Variants in FBRSL1 observed in about 807,000 individuals in gnomAD.
FBRSL1 encodes fibrosin-1-like protein.
FBRSL1 carries 51 observed loss-of-function variants against 89.6 expected under a neutral mutation model. That is an observed-to-expected ratio of 0.57 (90% CI 0.45 to 0.72). FBRSL1 has a LOEUF of 0.72. Ranked by LOEUF, FBRSL1 falls within the 30% of genes least tolerant of loss-of-function variation. The probability of loss-of-function intolerance (pLI) is 0.00; values close to 1 mark genes in which losing one functional copy is unlikely to be tolerated. For missense variants in FBRSL1, 1,618 were observed against 1,451.8 expected, an observed-to-expected ratio of 1.11 and a Z score of -1.86; for synonymous variants, 779 against 681.1, an observed-to-expected ratio of 1.14 and a Z score of -2.24.
chr12:132,566,205 CGTCCTCACA>C (rs2039601881), intron 5 of FBRSL1: 1 of 152,008 alleles, frequency 6.6e-6, no homozygotes, highest in Non-Finnish European at 1.5e-5. Context: ...CTCTCCGCTG[CGTCCTCACA>C]TGGTGGAAGG....
chr12:132,535,109 G>A (rs564471835), intron 4 of FBRSL1, among the ~76,000 whole-genome samples: 8 of 152,334 alleles, frequency 5.3e-5, no homozygotes, highest in African/African-American at 1.4e-4. Flanking sequence ...AGAACAGGCC[G>A]GGCTGCTGTG....
chr12:132,541,577 G>A (rs979253549), intron 4 of FBRSL1, among the ~76,000 whole-genome samples: 1 of 152,220 alleles, frequency 6.6e-6, no homozygotes, highest in Non-Finnish European at 1.5e-5. Flanking sequence ...ATGGTGGAGG[G>A]GTGCGGATTC....
At chr12:132,574,216 C>T in intron 12 of FBRSL1, 58 bp downstream of exon 12, 14 of 1,437,372 alleles carry the variant, frequency 9.7e-6, no homozygotes, top group South Asian at 1.5e-5. Flanking sequence ...CGGCCGGGCC[C>T]TGTGCGGGCT....
intron 15 of FBRSL1, among the ~76,000 whole-genome samples, chr12:132,578,483 T>G (rs2040530576): frequency 6.6e-6 from 1 of 152,114 alleles, no homozygotes; most frequent in Non-Finnish European, 1.5e-5. Context: ...GGTCTCGCTG[T>G]CTCAGGTGGC....
intron 5 of FBRSL1, chr12:132,566,068 C>T (rs985210581): frequency 6.6e-6 from 1 of 152,158 alleles, no homozygotes; most frequent in African/African-American, 2.4e-5. Flanking sequence ...CATCTCAAGT[C>T]TTAGTCCGTG....
chr12:132,493,686 T>C (rs1334491182), intron 1 of FBRSL1, among the ~76,000 whole-genome samples: 1 of 152,182 alleles, frequency 6.6e-6, no homozygotes, highest in Non-Finnish European at 1.5e-5. Flanking sequence ...CAGGCTGTTC[T>C]GTGCCCGGGG....
At chr12:132,512,629 A>G (rs1356255707) in intron 2 of FBRSL1, among the ~76,000 whole-genome samples, 3 of 151,942 alleles carry the variant, frequency 2.0e-5, no homozygotes, top group African/African-American at 7.3e-5. Context: ...CCCTGCCCCT[A>G]CCCCCGGGCT....
chr12:132,551,161 A>G (rs1385208804), intron 5 of FBRSL1: 1 of 348,200 alleles, frequency 2.9e-6, no homozygotes, highest in Non-Finnish European at 5.7e-6. Context: ...TGAGACAGGA[A>G]CATGGGGGTG....
chr12:132,506,229 G>A (rs1264978740), intron 1 of FBRSL1, among the ~76,000 whole-genome samples: 1 of 152,206 alleles, frequency 6.6e-6, no homozygotes, highest in African/African-American at 2.4e-5. Flanking sequence ...GTGGGTCTGT[G>A]GATGGGAGGA....
At chr12:132,567,146 G>A (rs1277378635) in intron 5 of FBRSL1, among the ~76,000 whole-genome samples, 1 of 152,172 alleles carries the variant, frequency 6.6e-6, no homozygotes, top group East Asian at 1.9e-4. Flanking sequence ...TGGGAGGGGT[G>A]CAGATTTGCC....
At chr12:132,526,320 G>A (rs2035788458) in intron 3 of FBRSL1, among the ~76,000 whole-genome samples, 2 of 152,294 alleles carry the variant, frequency 1.3e-5, no homozygotes, top group African/African-American at 4.8e-5. Flanking sequence ...CTCACTGCCC[G>A]GCTCCCCATC....
chr12:132,538,925 C>T (rs2036982836), intron 4 of FBRSL1, among the ~76,000 whole-genome samples: 1 of 152,106 alleles, frequency 6.6e-6, no homozygotes, highest in Admixed American at 6.5e-5. Context: ...CTCAGTGTGG[C>T]GGGGCCCTGA....
Position 132,490,560 on chromosome 12 carries a change from C to A in FBRSL1, c.-11C>A. The A allele has an allele frequency of 1.0e-6, 1 of 981,380 alleles. No homozygotes were observed. The highest frequency in any genetic ancestry group is 1.2e-6 in the Non-Finnish European group (1 of 828,620). 60.8% of individuals were successfully genotyped at this position (981,380 alleles called of 1,614,324 possible). A position where few individuals can be genotyped will look rare whatever the true frequency, so the allele number is the denominator to read the frequency against. On this transcript the variant is annotated 5_prime_UTR_variant, in exon 1 of 19. Coordinates refer to ENST00000680143, the MANE Select transcript of FBRSL1 (RefSeq NM_001367871.1). ...TCAAGGTCACCGGCCCGACGGGGCG[C>A]ACGCGCGGCCATGGAGGCCAAGGTC...
intron 2 of FBRSL1, among the ~76,000 whole-genome samples, chr12:132,521,167 G>A (rs2136843179): frequency 6.6e-6 from 1 of 152,370 alleles, no homozygotes; most frequent in African/African-American, 2.4e-5. Context: ...AGGGAGCACT[G>A]TTTGCACTGG....
intron 4 of FBRSL1, among the ~76,000 whole-genome samples, chr12:132,535,242 CT>C (rs1475403830): frequency 6.6e-6 from 1 of 152,248 alleles, no homozygotes; most frequent in Non-Finnish European, 1.5e-5. Context: ...ATACGGTCGG[CT>C]CCAAGAAAGG....
chr12:132,510,829 C>T (rs773852727), intron 2 of FBRSL1: 110 of 1,091,848 alleles, frequency 1.0e-4, no homozygotes, highest in Non-Finnish European at 1.1e-4. Context: ...GCTGGGGGCC[C>T]CTCAGCGTCT....
At chr12:132,529,100 G>A (rs112506545) in intron 4 of FBRSL1, among the ~76,000 whole-genome samples, 77 of 152,314 alleles carry the variant, frequency 5.1e-4, no homozygotes, top group African/African-American at 1.8e-3. Context: ...ACAGATTGAC[G>A]GCCTGCTGGG....
chr12:132,553,639 G>A (rs1949815246), intron 5 of FBRSL1: 2 of 152,226 alleles, frequency 1.3e-5, no homozygotes, highest in South Asian at 4.1e-4. Context: ...CACGGAGCAA[G>A]CGCCCGGGTC....
rs143824069 is a variant in FBRSL1 at position 132,512,635 on chromosome 12, G to A, written c.489+4285G>A. 9.0e-3 allele frequency among the ~76,000 whole-genome samples: 1,372 copies of A among 152,324 alleles called. 22 individuals carry two copies. The highest frequency in any genetic ancestry group is 0.032 in the African/African-American group (1,311 of 41,576). Reference sequence around the variant, plus strand: ...CTTTCAGGCCCCTGCCCCTACCCCCGGGCTCCTGTGAGTACAGAGGGGGCC... The same window carrying A: ...CTTTCAGGCCCCTGCCCCTACCCCCAGGCTCCTGTGAGTACAGAGGGGGCC... On this transcript the variant is annotated intron_variant, in intron 2 of 18. Transcript: ENST00000680143.
Sources: allele counts gnomAD v4.1 joint callset (sites outside exome capture counted in the v4.1 genomes callset), GRCh38; gene constraint gnomAD v4.1.1; transcripts MANE v1.5; gene names NCBI Gene and HGNC (gene_info 2026-07-23, HGNC 2026-07-21).